RABL3: variants seen among roughly 807,000 people sequenced by gnomAD.
The protein encoded by RABL3 is rab-like protein 3.
A neutral mutation model predicts 31.8 loss-of-function variants in RABL3; 31 were observed. The observed-to-expected ratio is 0.97, with a 90% CI of 0.73 to 1.31. The LOEUF (loss-of-function observed/expected upper bound fraction) is 1.31, where lower values mean the gene tolerates loss of function less well. RABL3 is among the 40% of genes most tolerant of loss of function. RABL3 has a pLI of 0.00. For missense variants in RABL3, 263 were observed against 279.6 expected (o/e 0.94, Z 0.42); for synonymous variants, 97 against 99.9 (o/e 0.97, Z 0.18).
At position 120,720,035 on chromosome 3, in the gene RABL3, G is replaced by A. The variant is rs570499297; in HGVS notation, c.139-10126C>T. Among the ~76,000 whole-genome samples the A allele has an allele frequency of 2.6e-4, 40 of 152,296 alleles. No homozygotes were observed. The South Asian group carries it at 7.3e-3, about 28-fold the overall frequency. On this transcript the variant is annotated intron_variant, in intron 2 of 7. Transcript: ENST00000273375. ...CAACATTTGCTGTTCACCAATATCC[G>A]CCATTCTATAGCCTCCGCTGGTGAT... is the stretch of plus-strand genomic sequence containing the variant.
chr3:120,706,854 A>G (rs1246868308), intron 3 of RABL3, among the ~76,000 whole-genome samples: 3 of 152,166 alleles, frequency 2.0e-5, no homozygotes, highest in Non-Finnish European at 4.4e-5. Flanking sequence ...ATTGAGAAAA[A>G]TAACAAAATG....
intron 2 of RABL3, among the ~76,000 whole-genome samples, chr3:120,716,604 T>G (rs1708672497): frequency 6.6e-6 from 1 of 151,104 alleles, no homozygotes; most frequent in African/African-American, 2.4e-5. Flanking sequence ...ACCCTAAAAC[T>G]TAAAGTATAA....
intron 2 of RABL3, among the ~76,000 whole-genome samples, chr3:120,726,134 A>G (rs1166631474): frequency 1.3e-5 from 2 of 152,124 alleles, no homozygotes; most frequent in Non-Finnish European, 2.9e-5. Context: ...ACCTCTGGGT[A>G]AAAGTTTTTC....
chr3:120,694,489 C>A (rs1374907646), intron 5 of RABL3, among the ~76,000 whole-genome samples: 1 of 152,000 alleles, frequency 6.6e-6, no homozygotes, highest in Non-Finnish European at 1.5e-5. Flanking sequence ...TAGAGGAAGA[C>A]AAGATTACTA....
At chr3:120,719,087 A>T (rs1379735328) in intron 2 of RABL3, among the ~76,000 whole-genome samples, 4 of 152,256 alleles carry the variant, frequency 2.6e-5, no homozygotes, top group Non-Finnish European at 5.9e-5. Flanking sequence ...CACCCAACAG[A>T]GATGGAGAAG....
At chr3:120,736,802 G>C (rs1471995581) in intron 1 of RABL3, among the ~76,000 whole-genome samples, 1 of 152,118 alleles carries the variant, frequency 6.6e-6, no homozygotes, top group African/African-American at 2.4e-5. Context: ...AGCTTAGTTT[G>C]GCTGGATATG....
intron 6 of RABL3, among the ~76,000 whole-genome samples, chr3:120,690,696 C>T (rs1181824366): frequency 2.0e-5 from 3 of 152,010 alleles, no homozygotes; most frequent in East Asian, 1.9e-4. Flanking sequence ...CATTCCAAAA[C>T]GCATTAATGA....
At chr3:120,722,529 T>G (rs1246154929) in intron 2 of RABL3, 1 of 152,212 alleles carries the variant, frequency 6.6e-6, no homozygotes, top group African/African-American at 2.4e-5. Flanking sequence ...TCGCCTTCCA[T>G]GATCACGCCA....
chr3:120,692,198 C>CTT (rs200177852), intron 6 of RABL3, among the ~76,000 whole-genome samples: 5 of 149,474 alleles, frequency 3.3e-5, no homozygotes, highest in Non-Finnish European at 6.0e-5. Context: ...GAGAAGAAAT[C>CTT]TTTTTTTTTT....
In RABL3 at chr3:120,694,166, C is replaced by T; in HGVS notation, c.593G>A (p.Arg198Lys). Residue 198 changes from arginine to lysine, a missense_variant, in exon 6 of 8, where the codon AGG becomes AAG. Transcript: ENST00000273375. ...AGSSNAVKLS[R>K]FFDKVIEKRY... ...TGAAACCATTACCTTATCAAAAAAC[C>T]TACTGAGCTTGACAGCATTGGAAGA... The T allele has an allele frequency of 6.2e-7, 1 of 1,605,736 alleles. No homozygotes were observed. Among genetic ancestry groups the T allele is most frequent in the Non-Finnish European group, 8.5e-7 (1 of 1,173,584 alleles).
At chr3:120,697,272 C>T (rs1160009485) in intron 5 of RABL3, among the ~76,000 whole-genome samples, 1 of 152,194 alleles carries the variant, frequency 6.6e-6, no homozygotes, top group Admixed American at 6.5e-5. Flanking sequence ...AATCTGAATA[C>T]CCTAATTGAC....
chr3:120,706,628 T>C lies in RABL3; in HGVS notation c.269-514A>G, dbSNP rs1387272439. On this transcript the variant is annotated intron_variant, in intron 3 of 7. Transcript: ENST00000273375. Reference sequence around the variant, plus strand: ...CTGATTTGATACAATTGCTATTCTTTAGCTGACAAAATAGTGTCCTGTAGA... The same window carrying C: ...CTGATTTGATACAATTGCTATTCTTCAGCTGACAAAATAGTGTCCTGTAGA... 1.3e-5 allele frequency among the ~76,000 whole-genome samples: 2 copies of C among 151,264 alleles called. 1 individual carries two copies. Among genetic ancestry groups the C allele is most frequent in the Non-Finnish European group, 3.0e-5 (2 of 67,564 alleles).
At chr3:120,732,992 T>C (rs1007480370) in intron 1 of RABL3, among the ~76,000 whole-genome samples, 3 of 152,182 alleles carry the variant, frequency 2.0e-5, no homozygotes, top group African/African-American at 7.2e-5. Context: ...TTCCAAGTCT[T>C]TGCTATTGTG....
At chr3:120,739,523 T>C (rs992334494) in intron 1 of RABL3, among the ~76,000 whole-genome samples, 6 of 152,206 alleles carry the variant, frequency 3.9e-5, no homozygotes, top group African/African-American at 1.4e-4. Context: ...ACTCTGTACC[T>C]TTATCTACCA....
In RABL3 at chr3:120,694,244, A is replaced by G; in HGVS notation, c.535-20T>C. On this transcript the variant is annotated intron_variant, in intron 5 of 7. Coordinates refer to ENST00000273375, the MANE Select transcript of RABL3 (RefSeq NM_173825.5). ...GCAGTCCTAGAAGATAAAACATAAGATCCACAATTGAAAGTTAGGAAACCC... is the reference window on the plus strand; with the variant it reads ...GCAGTCCTAGAAGATAAAACATAAGGTCCACAATTGAAAGTTAGGAAACCC... 2.5e-6 allele frequency: 4 copies of G among 1,573,804 alleles called. No homozygotes were observed. The highest frequency in any genetic ancestry group is 3.5e-6 in the Non-Finnish European group (4 of 1,149,554).
intron 2 of RABL3, among the ~76,000 whole-genome samples, chr3:120,725,954 A>C (rs1708814636): frequency 6.6e-6 from 1 of 152,204 alleles, no homozygotes; most frequent in Non-Finnish European, 1.5e-5. Flanking sequence ...TAATAAAAAA[A>C]TTAAAGAAAA....
intron 5 of RABL3, among the ~76,000 whole-genome samples, chr3:120,696,898 G>A (rs1019227059): frequency 5.3e-5 from 8 of 152,132 alleles, no homozygotes; most frequent in African/African-American, 1.7e-4. Context: ...GGGGCTCTCC[G>A]CTGCAAAGCA....
At chr3:120,738,788 T>C (rs1709003868) in intron 1 of RABL3, 1 of 152,220 alleles carries the variant, frequency 6.6e-6, no homozygotes, top group South Asian at 2.1e-4. Context: ...AAAATTTACT[T>C]AATCATTCTT....
chr3:120,694,742 G>T (rs1708417352), intron 5 of RABL3, among the ~76,000 whole-genome samples: 1 of 152,014 alleles, frequency 6.6e-6, no homozygotes, highest in African/African-American at 2.4e-5. Context: ...TAGATGCAAG[G>T]TACTACATCT....
Sources: allele counts gnomAD v4.1 joint callset (sites outside exome capture counted in the v4.1 genomes callset), GRCh38; gene constraint gnomAD v4.1.1; transcripts MANE v1.5; gene names NCBI Gene and HGNC (gene_info 2026-07-23, HGNC 2026-07-21).